BCAR3: variants seen among roughly 807,000 people sequenced by gnomAD.
BCAR3 encodes the protein BCAR3 adaptor protein, NSP family member.
Under a neutral mutation model 80.1 loss-of-function variants are expected in BCAR3, and 37 were observed. The ratio of observed to expected loss-of-function variants is 0.46; its 90% confidence interval spans 0.36 to 0.61. BCAR3 has a LOEUF of 0.61. Ranked by LOEUF, BCAR3 falls within the 20% of genes least tolerant of loss-of-function variation. BCAR3 has a pLI of 0.00. For synonymous variants in BCAR3, 389 were observed against 418.9 expected (o/e 0.93, Z 0.87); for missense variants, 978 against 1,068.2 (o/e 0.92, Z 1.18).
intron 2 of BCAR3, among the ~76,000 whole-genome samples, chr1:93,716,314 A>C (rs1650184822): frequency 6.6e-6 from 1 of 152,258 alleles, no homozygotes; most frequent in Non-Finnish European, 1.5e-5. Context: ...AGCCTAAAAT[A>C]GCAATAGCAT....
chr1:93,706,377 T>G (rs927088109), intron 2 of BCAR3, among the ~76,000 whole-genome samples: 7 of 152,142 alleles, frequency 4.6e-5, no homozygotes, highest in African/African-American at 1.7e-4. Context: ...TACAATTAAT[T>G]ACAAATAACA....
At chr1:93,639,539 C>A (rs375810236) in intron 3 of BCAR3, among the ~76,000 whole-genome samples, 18 of 146,354 alleles carry the variant, frequency 1.2e-4, no homozygotes, top group African/African-American at 4.6e-4. Flanking sequence ...TGCAATCGTG[C>A]GACTTCAGCT....
At chr1:93,811,273 C>A (rs537893960) in intron 2 of BCAR3, among the ~76,000 whole-genome samples, 2 of 151,674 alleles carry the variant, frequency 1.3e-5, no homozygotes, top group East Asian at 3.9e-4. Context: ...GGGACAGATA[C>A]AGGGTCTGGG....
chr1:93,669,621 G>A (rs545074625), intron 2 of BCAR3, among the ~76,000 whole-genome samples: 3 of 152,254 alleles, frequency 2.0e-5, no homozygotes, highest in East Asian at 1.9e-4. Flanking sequence ...GTGCCTCCAC[G>A]TACCCACAGG....
intron 2 of BCAR3, among the ~76,000 whole-genome samples, chr1:93,829,401 C>A (rs1232648488): frequency 6.6e-6 from 1 of 152,046 alleles, no homozygotes; most frequent in Non-Finnish European, 1.5e-5. Flanking sequence ...GTGGGAGATG[C>A]CATACTGAAT....
chr1:93,780,820 C>G (rs1379708229), intron 2 of BCAR3, among the ~76,000 whole-genome samples: 1 of 152,192 alleles, frequency 6.6e-6, no homozygotes. Context: ...TTAACCATTA[C>G]TTGCTAAATA....
At chr1:93,613,844 T>C in intron 3 of BCAR3, 2 of 1,550,376 alleles carry the variant, frequency 1.3e-6, no homozygotes, top group Non-Finnish European at 1.7e-6. Context: ...AAACCAAACC[T>C]ACCTTGACTC....
chr1:93,590,408 T>G (rs1158239515), intron 4 of BCAR3: 1 of 152,188 alleles, frequency 6.6e-6, no homozygotes, highest in Non-Finnish European at 1.5e-5. Flanking sequence ...ATATTACCTA[T>G]AGAATGGCTA....
At chr1:93,635,871 C>G (rs1039802816) in intron 3 of BCAR3, among the ~76,000 whole-genome samples, 1 of 152,208 alleles carries the variant, frequency 6.6e-6, no homozygotes, top group African/African-American at 2.4e-5. Context: ...GACTGGCCTG[C>G]TTTCCTGCTG....
At chr1:93,688,768 TTTTGTTTGTTTTTG>T (rs933913111) in intron 3 of BCAR3, among the ~76,000 whole-genome samples, 4 of 129,470 alleles carry the variant, frequency 3.1e-5, no homozygotes, top group African/African-American at 1.7e-4. Flanking sequence ...GCTAAGGTTT[TTTTGTTTGTTTTTG>T]TTTGTTTGTT....
intron 3 of BCAR3, among the ~76,000 whole-genome samples, chr1:93,603,511 C>T (rs1253130885): frequency 6.6e-6 from 1 of 152,232 alleles, no homozygotes; most frequent in African/African-American, 2.4e-5. Context: ...CAGATGAGGA[C>T]CTCTGGCCTC....
intron 2 of BCAR3, among the ~76,000 whole-genome samples, chr1:93,805,912 A>T (rs1653639474): frequency 1.3e-5 from 2 of 152,174 alleles, no homozygotes; most frequent in South Asian, 4.1e-4. Flanking sequence ...GTTATGAAAA[A>T]GAAACAATCA....
chr1:93,836,610 A>C (rs1020578980), intron 2 of BCAR3, among the ~76,000 whole-genome samples: 9 of 151,952 alleles, frequency 5.9e-5, no homozygotes, highest in African/African-American at 2.2e-4. Flanking sequence ...ACCACCCCCC[A>C]AAATTTTCAC....
intron 3 of BCAR3, chr1:93,614,092 T>C (rs1675033234): frequency 1.4e-6 from 2 of 1,423,812 alleles, no homozygotes; most frequent in Admixed American, 5.7e-5. Context: ...TCTCCCAGGC[T>C]AGTCTGGGAC....
At chr1:93,684,977 G>A (rs1648921473), upstream of BCAR3, among the ~76,000 whole-genome samples, 1 of 152,164 alleles carries the variant, frequency 6.6e-6, no homozygotes, top group South Asian at 2.1e-4. Context: ...TGATCTGCCT[G>A]CCTCAGCCTC....
intron 3 of BCAR3, chr1:93,614,112 C>T: frequency 7.1e-7 from 1 of 1,411,184 alleles, no homozygotes; most frequent in Non-Finnish European, 9.2e-7. Flanking sequence ...CTTTTCCCCT[C>T]TGCTGAAGCC....
chr1:93,725,208 A>G (rs1571076241), intron 2 of BCAR3, among the ~76,000 whole-genome samples: 1 of 152,384 alleles, frequency 6.6e-6, no homozygotes, highest in East Asian at 1.9e-4. Flanking sequence ...TCCCAAGCAC[A>G]TATAATATTT....
chr1:93,716,146 C>T (rs1650181732), intron 2 of BCAR3, among the ~76,000 whole-genome samples: 1 of 152,194 alleles, frequency 6.6e-6, no homozygotes, highest in South Asian at 2.1e-4. Flanking sequence ...TCTTAACACA[C>T]TCTAAAAACA....
At chr1:93,718,771 C>T (rs1650281299) in intron 2 of BCAR3, among the ~76,000 whole-genome samples, 1 of 143,112 alleles carries the variant, frequency 7.0e-6, no homozygotes, top group Non-Finnish European at 1.5e-5. Context: ...TCTCGGCTCA[C>T]TGCAGCCTCA....
Sources: allele counts gnomAD v4.1 joint callset (sites outside exome capture counted in the v4.1 genomes callset), GRCh38; gene constraint gnomAD v4.1.1; transcripts MANE v1.5; gene names NCBI Gene and HGNC (gene_info 2026-07-23, HGNC 2026-07-21).